Variants in CAPN15 observed in about 807,000 individuals in gnomAD.
The protein encoded by CAPN15 is calpain-15.
A neutral mutation model predicts 97.9 loss-of-function variants in CAPN15; 53 were observed. The observed-to-expected ratio is 0.54, with a 90% CI of 0.43 to 0.68. The LOEUF is 0.68. Among genes scored for constraint, CAPN15 ranks in the 30% least tolerant of loss-of-function variants. The pLI is 0.00. For missense variants in CAPN15, 1,592 were observed against 1,589.8 expected, an observed-to-expected ratio of 1.00 and a Z score of -0.02; for synonymous variants, 922 against 722.5, an observed-to-expected ratio of 1.28 and a Z score of -4.43.
At chr16:540,367 C>T in intron 3 of CAPN15, 4 of 985,346 alleles carry the variant, frequency 4.1e-6, no homozygotes, top group Non-Finnish European at 4.8e-6. Context: ...GCCCCGGGCC[C>T]GAAGGTAAGA....
At chr16:528,834 T>A in intron 1 of CAPN15, 2 of 890,036 alleles carry the variant, frequency 2.2e-6, no homozygotes, top group Non-Finnish European at 2.7e-6. Flanking sequence ...TGTGTGCTTC[T>A]CCTTCGGGAA....
chr16:542,056 TGGACGTGGGGCCACA>T (rs142177296), intron 3 of CAPN15, among the ~76,000 whole-genome samples: 15,591 of 150,180 alleles, frequency 0.1, 906 homozygotes, highest in Middle Eastern at 0.14. Flanking sequence ...AGAAGGTGCG[TGGACGTGGGGCCACA>T]GGACGTGGGG....
Position 528,644 on chromosome 16 carries a change from T to C in CAPN15, c.-190+615T>C, listed in dbSNP as rs984030772. ...CCTCTAGTCCTGACCGGGGGAACTC[T>C]TGTGTGGTCAGCTGGCCCTGGCCGG... On this transcript the variant is annotated intron_variant, in intron 1 of 13. Transcript: ENST00000219611. The C allele has an allele frequency of 4.8e-6, 4 of 837,266 alleles. No homozygotes were observed. The African/African-American group carries it at 7.4e-5, about 15-fold the overall frequency. The allele number at this position is 837,266 out of a possible 1,614,324, so 51.9% of individuals were successfully genotyped here. A position where few individuals can be genotyped will look rare whatever the true frequency, so the allele number is the denominator to read the frequency against.
chr16:530,630 C>T (rs76445465), intron 1 of CAPN15, among the ~76,000 whole-genome samples: 1 of 152,190 alleles, frequency 6.6e-6, no homozygotes, highest in Non-Finnish European at 1.5e-5. Context: ...GTGGAGACCT[C>T]CCGGTGCGTG....
rs780416723 is a variant in CAPN15 at position 554,383 on chromosome 16, C to T, written c.*867C>T. ...TGGCCCCTCACTCCCGGCAGCGGGCCGGCCTCGCCCCCACTCCCCCTCCTA... is the reference window on the plus strand; with the variant it reads ...TGGCCCCTCACTCCCGGCAGCGGGCTGGCCTCGCCCCCACTCCCCCTCCTA... On this transcript the variant is annotated 3_prime_UTR_variant, in exon 14 of 14. Coordinates refer to ENST00000219611, the MANE Select transcript of CAPN15 (RefSeq NM_005632.3). The T allele has an allele frequency of 8.7e-5, 35 of 400,140 alleles. No homozygotes were observed. The highest frequency in any genetic ancestry group is 1.2e-4 in the Non-Finnish European group (24 of 200,598). 24.8% of individuals were successfully genotyped at this position (400,140 alleles called of 1,614,324 possible).
At chr16:545,035 C>T (rs966939433) in intron 3 of CAPN15, among the ~76,000 whole-genome samples, 26 of 151,612 alleles carry the variant, frequency 1.7e-4, no homozygotes, top group African/African-American at 6.1e-4. Context: ...AAAAGGGCTT[C>T]GCTCAGGCCT....
Position 552,618 on chromosome 16 carries a change from G to A in CAPN15, c.2751G>A (p.Ser917=), listed in dbSNP as rs201572166. The A allele has an allele frequency of 8.4e-4, 1,289 of 1,537,736 alleles. 2 individuals carry two copies. The highest frequency in any genetic ancestry group is 1.0e-3 in the Non-Finnish European group (1,150 of 1,143,796). ...GTPAPQASSP[S]AGVPRASPEP... is the part of the protein sequence containing the mutation. ...CCGTCCTTGTAGCCTCCAGCCCCTC[G>A]GCAGGGGTCCCGAGAGCCTCCCCAG... Residue 917 remains serine, a synonymous_variant, in exon 12 of 14, where the codon TCG becomes TCA. Transcript: ENST00000219611. This position sits in a 1 kb window ranked among gnomAD's most constrained non-coding sequence, Gnocchi z 6.4.
At chr16:528,690 T>C in intron 1 of CAPN15, 1 of 985,062 alleles carries the variant, frequency 1.0e-6, no homozygotes, top group Non-Finnish European at 1.2e-6. Context: ...GGGGCCCCCT[T>C]ACTGCTCTGG....
At chr16:528,208 G>T (rs1348432884) in intron 1 of CAPN15, among the ~76,000 whole-genome samples, 179 bp downstream of exon 1, 3 of 151,804 alleles carry the variant, frequency 2.0e-5, no homozygotes, top group African/African-American at 7.2e-5. Flanking sequence ...GGGTCAGCCC[G>T]CCGCCCGCTG....
chr16:549,104 A>G lies in CAPN15; in HGVS notation c.1561A>G (p.Ile521Val). ...GAGGCAGTGGCTGCGACCCCAGGAG[A>G]TCAACTGCTCCGTCTTCAGGGACCA... Reference protein sequence around the residue: ...RVRQWLRPQEINCSVFRDHRA... With the variant: ...RVRQWLRPQEVNCSVFRDHRA... Residue 521 changes from isoleucine (I) to valine (V), a missense_variant, in exon 5 of 14, where the codon ATC (isoleucine) becomes GTC (valine). Ile to Val is a conservative substitution (Grantham distance 29). Around this residue, in one of 3 missense-constraint regions of CAPN15, gnomAD observed 883 missense variants for 776.6 expected, o/e 1.14. Coordinates refer to ENST00000219611, the MANE Select transcript of CAPN15 (RefSeq NM_005632.3). The G allele has an allele frequency of 6.2e-7, 1 of 1,612,476 alleles. No individual in the cohort carries two copies. The highest frequency in any genetic ancestry group is 8.5e-7 in the Non-Finnish European group (1 of 1,179,938).
chr16:541,694 C>T (rs1188188986), intron 3 of CAPN15, among the ~76,000 whole-genome samples: 1 of 152,236 alleles, frequency 6.6e-6, no homozygotes, highest in Non-Finnish European at 1.5e-5. Flanking sequence ...CATTGCAATC[C>T]AGCGTTGCAG....
rs370918189 is a variant in CAPN15, at chr16:551,288, G to A, written c.2067-14G>A. ...GTGAGGGTCCCGGTCGGTGAGGGCC[G>A]CTCTGCCACACAGGTTCCTCATGGG... On this transcript the variant is annotated splice_polypyrimidine_tract_variant and intron_variant, in intron 7 of 13. Transcript: ENST00000219611. 22 of 1,575,622 alleles carry A rather than the reference G, an allele frequency of 1.4e-5. No individual in the cohort carries two copies. The Admixed American group carries it at 1.9e-4, about 14-fold the overall frequency.
rs533262452 is a variant in CAPN15, at chr16:552,913, C to G, written c.2955C>G (p.Leu985=). 6.2e-7 allele frequency: 1 copy of G among 1,611,396 alleles called. No homozygotes were observed. The highest frequency in any genetic ancestry group is 2.2e-5 in the East Asian group (1 of 44,828). ...ACCTGACACACGGTTGGGCGGGGCT[C>G]ATCGTGGTGGTGGAGAACCGACACC... ...CYYLTHGWAG[L]IVVVENRHPK... The change falls in exon 13 of 14, where the codon CTC becomes CTG. Residue 985 remains leucine (L), a synonymous_variant. Coordinates refer to ENST00000219611, the MANE Select transcript of CAPN15 (RefSeq NM_005632.3). The surrounding 1 kb of genome is among the most constrained non-coding windows in gnomAD (Gnocchi z 6.4).
rs1369225349 is a variant in CAPN15, at chr16:547,315, G to C, written c.477G>C (p.Val159=). Residue 159 remains valine, a synonymous_variant, in exon 4 of 14, where the codon GTG becomes GTC. Transcript: ENST00000219611. ...GTTGCACGCTGCACAACACGCCCGT[G>C]GCCAGCTCCTGCTCCGTCTGCGGGG... ...CPRCTLHNTP[V]ASSCSVCGGP... 1 of 1,528,632 alleles carries C rather than the reference G, an allele frequency of 6.5e-7. No homozygotes were observed. The highest frequency in any genetic ancestry group is 8.7e-7 in the Non-Finnish European group (1 of 1,143,010). The allele number at this position is 1,528,632 out of a possible 1,614,324, so 94.7% of individuals were successfully genotyped here.
At chr16:532,854 GAAA>G (rs1307303121) in intron 1 of CAPN15, among the ~76,000 whole-genome samples, 1 of 105,000 alleles carries the variant, frequency 9.5e-6, no homozygotes, top group Non-Finnish European at 2.0e-5. Context: ...CTCTGTCAGA[GAAA>G]AAAAAAAAAA....
chr16:547,189 G>T lies in CAPN15; in HGVS notation c.351G>T (p.Glu117Asp). 1 of 1,533,308 alleles carries T rather than the reference G, an allele frequency of 6.5e-7. No individual in the cohort carries two copies. 95.0% of individuals were successfully genotyped at this position (1,533,308 alleles called of 1,614,324 possible). Residue 117 changes from glutamate to aspartate, a missense_variant, in exon 4 of 14, where the codon GAG (glutamate) becomes GAT (aspartate). Glu to Asp is a conservative substitution (Grantham distance 45). Coordinates refer to ENST00000219611, the MANE Select transcript of CAPN15 (RefSeq NM_005632.3). ...PVRTAGLVAT[E>D]PARGQCEDKD... ...GGACTGCGGGGCTGGTGGCCACGGA[G>T]CCCGCCAGGGGGCAGTGCGAGGACA...
At chr16:539,139 C>G (rs996069143) in intron 3 of CAPN15, 4 of 152,340 alleles carry the variant, frequency 2.6e-5, no homozygotes, top group African/African-American at 9.7e-5. Flanking sequence ...CTCAGGTGAT[C>G]CCCCACGCAC....
At chr16:529,432 G>A (rs1186864168) in intron 1 of CAPN15, among the ~76,000 whole-genome samples, 1 of 152,220 alleles carries the variant, frequency 6.6e-6, no homozygotes, top group Non-Finnish European at 1.5e-5. Flanking sequence ...CAGTGCCACA[G>A]GTGAGGAACC....
At position 546,736 on chromosome 16, in the gene CAPN15, C is replaced by T. The variant is rs544801417; in HGVS notation, c.-22-81C>T. On this transcript the variant is annotated intron_variant, in intron 3 of 13. Transcript: ENST00000219611. ...GTAGCTCTGCAGCCACAGACGGGTG[C>T]CTTCCCCAGGCCGAGAGGAGGGTGG... 12 of 1,460,592 alleles carry T rather than the reference C, an allele frequency of 8.2e-6. No individual in the cohort carries two copies. The African/African-American group carries it at 1.1e-4, about 14-fold the overall frequency. 90.5% of individuals were successfully genotyped at this position (1,460,592 alleles called of 1,614,324 possible).
Sources: allele counts gnomAD v4.1 joint callset (sites outside exome capture counted in the v4.1 genomes callset), GRCh38; gene constraint gnomAD v4.1.1; regional missense constraint gnomAD v4.1.1; non-coding constraint Gnocchi (gnomAD v3.1); transcripts MANE v1.5; gene names NCBI Gene and HGNC (gene_info 2026-07-23, HGNC 2026-07-21).